The following TTK variants were observed in gnomAD, a reference collection of about 807,000 sequenced individuals.
TTK encodes dual specificity protein kinase TTK.
TTK carries 59 observed loss-of-function variants against 117.3 expected under a neutral mutation model. The observed-to-expected ratio is 0.50, with a 90% CI of 0.41 to 0.62. The LOEUF (loss-of-function observed/expected upper bound fraction) is 0.62, where lower values mean the gene tolerates loss of function less well. Among genes scored for constraint, TTK ranks in the 20% least tolerant of loss-of-function variants. TTK has a pLI of 0.00. For synonymous variants in TTK, 302 were observed against 325.0 expected (o/e 0.93, Z 0.76); for missense variants, 921 against 989.4 (o/e 0.93, Z 0.93).
chr6:80,031,990 CA>C (rs1318866917), intron 14 of TTK, among the ~76,000 whole-genome samples: 1 of 152,134 alleles, frequency 6.6e-6, no homozygotes, highest in Non-Finnish European at 1.5e-5. Context: ...AATTCAGTAA[CA>C]AATGAATTTC....
chr6:80,037,343 A>G (rs1366420122), intron 17 of TTK, among the ~76,000 whole-genome samples: 1 of 152,062 alleles, frequency 6.6e-6, no homozygotes, highest in Non-Finnish European at 1.5e-5. Context: ...CAGCTTGACA[A>G]TATCTTCCAT....
Position 80,005,977 on chromosome 6 carries a change from C to T in TTK, c.134C>T (p.Thr45Ile), listed in dbSNP as rs1447391810. The change falls in exon 2 of 22, where the codon ACT becomes ATT. Residue 45 changes from threonine to isoleucine, a missense_variant. Coordinates refer to ENST00000369798, the MANE Select transcript of TTK (RefSeq NM_003318.5). ...ELSLNKISAD[T>I]TDNSGTVNQI... ...AGCTTGAATAAAATTTCTGCTGATACTACAGGTGAGTTTTTCTTTTCTTTT... is the reference window on the plus strand; with the variant it reads ...AGCTTGAATAAAATTTCTGCTGATATTACAGGTGAGTTTTTCTTTTCTTTT... 6.2e-7 allele frequency: 1 copy of T among 1,602,448 alleles called. No homozygotes were observed. Among genetic ancestry groups the T allele is most frequent in the South Asian group, 1.1e-5 (1 of 89,264 alleles).
chr6:80,014,418 G>A (rs747584179), intron 9 of TTK, 45 bp from the exon 10 acceptor site: 1 of 1,540,612 alleles, frequency 6.5e-7, no homozygotes. Flanking sequence ...CAGATTAGTA[G>A]TACTACTATT....
At chr6:80,028,110 C>A in intron 13 of TTK, 99 bp downstream of exon 13, 1 of 1,298,286 alleles carries the variant, frequency 7.7e-7, no homozygotes, top group Non-Finnish European at 1.0e-6. Context: ...GTCTTAAGAA[C>A]TTGGCCATTC....
At chr6:80,026,588 A>G in intron 12 of TTK, 74 bp downstream of exon 12, 1 of 1,573,510 alleles carries the variant, frequency 6.4e-7, no homozygotes, top group Non-Finnish European at 8.6e-7. Context: ...GGCCAAATAA[A>G]TCTGGGATTA....
intron 9 of TTK, 178 bp downstream of exon 9, chr6:80,013,544 AT>A: frequency 2.1e-6 from 1 of 482,358 alleles, no homozygotes; most frequent in Non-Finnish European, 3.6e-6. Flanking sequence ...GTCCTAGACT[AT>A]GTTTCTCCAA....
At chr6:80,015,923 ATCC>A (rs1024109402) in intron 10 of TTK, among the ~76,000 whole-genome samples, 1 of 152,118 alleles carries the variant, frequency 6.6e-6, no homozygotes, top group Non-Finnish European at 1.5e-5. Flanking sequence ...AACCTCCTTG[ATCC>A]TCCTCCTAAA....
At chr6:80,038,214 C>T (rs550571124) in intron 18 of TTK, among the ~76,000 whole-genome samples, 167 bp downstream of exon 18, 22 of 152,274 alleles carry the variant, frequency 1.4e-4, no homozygotes, top group Admixed American at 3.9e-4. Context: ...TTTTTCACCA[C>T]TTATTCGTTT....
chr6:80,024,732 C>T (rs1415809523), intron 11 of TTK, among the ~76,000 whole-genome samples: 2 of 152,112 alleles, frequency 1.3e-5, no homozygotes, highest in African/African-American at 2.4e-5. Context: ...GAATAGTACA[C>T]GTAGAAAGAA....
intron 18 of TTK, among the ~76,000 whole-genome samples, chr6:80,038,322 G>A (rs1458047724): frequency 2.6e-5 from 4 of 152,130 alleles, no homozygotes. Flanking sequence ...ACCTCGATGA[G>A]TTTGCGTTAG....
chr6:80,038,933 A>G (rs764929142), intron 18 of TTK, among the ~76,000 whole-genome samples: 2 of 152,066 alleles, frequency 1.3e-5, no homozygotes, highest in Non-Finnish European at 2.9e-5. Flanking sequence ...ATGATTAACC[A>G]TATTTATGGT....
intron 16 of TTK, 89 bp downstream of exon 16, chr6:80,035,506 G>A (rs1767882610): frequency 7.9e-7 from 1 of 1,269,024 alleles, no homozygotes; most frequent in East Asian, 2.6e-5. Flanking sequence ...TTAGGGCATT[G>A]GTTATTGGTG....
Position 80,028,561 on chromosome 6 carries a change from G to A in TTK, c.1521+550G>A, listed in dbSNP as rs546595939. Reference sequence around the variant, plus strand: ...TCAAACTCCTGGCCTCAAACCATCCGCCCGCCTCAGCCCCCCAAAGTTCTG... The same window carrying A: ...TCAAACTCCTGGCCTCAAACCATCCACCCGCCTCAGCCCCCCAAAGTTCTG... On this transcript the variant is annotated intron_variant, in intron 13 of 21. Coordinates refer to ENST00000369798, the MANE Select transcript of TTK (RefSeq NM_003318.5). 1.4e-3 allele frequency among the ~76,000 whole-genome samples: 207 copies of A among 151,866 alleles called. 1 individual carries two copies. Among genetic ancestry groups the A allele is most frequent in the African/African-American group, 4.8e-3 (200 of 41,436 alleles).
chr6:80,005,464 C>T (rs1050235884), intron 1 of TTK, among the ~76,000 whole-genome samples: 4 of 152,174 alleles, frequency 2.6e-5, no homozygotes, highest in Admixed American at 2.6e-4. Flanking sequence ...ATTCCCATTG[C>T]CAAACGAATT....
intron 12 of TTK, 79 bp from the exon 13 acceptor site, chr6:80,027,806 G>A (rs1374597650): frequency 8.4e-7 from 1 of 1,196,670 alleles, no homozygotes; most frequent in East Asian, 2.7e-5. Flanking sequence ...GTTTATATCA[G>A]TCTAAAATAC....
rs1187524521 is a variant in TTK at position 80,039,698 on chromosome 6, A to G, written c.2133A>G (p.Ile711Met). The change falls in exon 19 of 22, where the codon ATA becomes ATG. Residue 711 changes from isoleucine (I) to methionine (M), a missense_variant and splice_region_variant. Physicochemically the swap from Ile to Met is conservative, Grantham distance 10 (BLOSUM62 1). Transcript: ENST00000369798. The stretch of plus-strand genomic sequence containing the variant: ...GTGTTTGTTTGTTTTTTTCTTAGAT[A>G]AGCCCCAAAAGTGATGTTTGGTCCT... Reference protein sequence around the residue: ...SRENGKSKSKISPKSDVWSLG... With the variant: ...SRENGKSKSKMSPKSDVWSLG... The G allele has an allele frequency of 4.0e-6, 6 of 1,495,968 alleles. No individual in the cohort carries two copies. In the South Asian group the frequency reaches 9.2e-5, roughly 23 times the overall value. The allele number at this position is 1,495,968 out of a possible 1,614,324, so 92.7% of individuals were successfully genotyped here. A position where few individuals can be genotyped will look rare whatever the true frequency, so the allele number is the denominator to read the frequency against.
chr6:80,037,963 A>G lies in TTK; in HGVS notation c.2050-4A>G, dbSNP rs751099734. The G allele has an allele frequency of 7.0e-6, 11 of 1,566,546 alleles. No individual in the cohort carries two copies. Among genetic ancestry groups the G allele is most frequent in the Non-Finnish European group, 8.6e-6 (10 of 1,156,376 alleles). On this transcript the variant is annotated splice_polypyrimidine_tract_variant and splice_region_variant and intron_variant, in intron 17 of 21. Transcript: ENST00000369798. ...ATTTGTGTTTTCTCTGACTTGGCAT[A>G]TAGGTTGGCACAGTTAATTATATGC...
At chr6:80,029,435 T>TTG (rs1767696877) in intron 13 of TTK, among the ~76,000 whole-genome samples, 1 of 152,210 alleles carries the variant, frequency 6.6e-6, no homozygotes, top group Non-Finnish European at 1.5e-5. Flanking sequence ...ATATAATAAA[T>TTG]TACAAAGGAA....
intron 2 of TTK, 143 bp downstream of exon 2, chr6:80,006,125 A>T (rs1478010011): frequency 1.8e-6 from 2 of 1,089,158 alleles, no homozygotes; most frequent in South Asian, 1.3e-5. Context: ...ACATGATGGC[A>T]GGGTTTTTGT....
Sources: allele counts gnomAD v4.1 joint callset (sites outside exome capture counted in the v4.1 genomes callset), GRCh38; gene constraint gnomAD v4.1.1; transcripts MANE v1.5; gene names NCBI Gene and HGNC (gene_info 2026-07-23, HGNC 2026-07-21).